Variants in LURAP1L observed in about 807,000 individuals in gnomAD.
LURAP1L encodes leucine rich adaptor protein 1 like.
In LURAP1L, 12 loss-of-function variants were observed where a neutral mutation model predicts 13.8. The observed-to-expected ratio is 0.87, with a 90% CI of 0.56 to 1.41. LURAP1L has a LOEUF of 1.41. Among genes scored for constraint, LURAP1L ranks in the 40% most tolerant of loss-of-function variants. The pLI, the probability that LURAP1L is intolerant of heterozygous loss-of-function variation, is 0.00. For missense variants in LURAP1L, 375 were observed against 292.9 expected, an observed-to-expected ratio of 1.28 and a Z score of -2.04; for synonymous variants, 139 against 119.2, an observed-to-expected ratio of 1.17 and a Z score of -1.08.
Position 12,821,688 on chromosome 9 carries a change from C to A in LURAP1L, c.615C>A (p.Ser205Arg). The change falls in exon 2 of 2, where the codon AGC (serine) becomes AGA (arginine). Residue 205 changes from serine (S) to arginine (R), a missense_variant. Transcript: ENST00000319264. The stretch of plus-strand genomic sequence containing the variant: ...CAGACTTGGACCAATTCAGTGACAG[C>A]TCCCTCATAGAGGACTCACAGGCAC... ...TPSDLDQFSD[S>R]SLIEDSQALH... is the part of the protein sequence containing the mutation. 6.2e-7 allele frequency: 1 copy of A among 1,614,164 alleles called. No homozygotes were observed. Among genetic ancestry groups the A allele is most frequent in the South Asian group, 1.1e-5 (1 of 91,086 alleles).
chr9:12,780,490 A>G (rs1819254963), intron 1 of LURAP1L, among the ~76,000 whole-genome samples: 1 of 152,228 alleles, frequency 6.6e-6, no homozygotes, highest in Non-Finnish European at 1.5e-5. Flanking sequence ...TAACTAGGAC[A>G]GTATTATTTC....
At position 12,821,902 on chromosome 9, in the gene LURAP1L, C is replaced by T. The variant is rs146642000; in HGVS notation, c.*142C>T. ...ATTTTGAAACTGCTTAATGGTATTG[C>T]TGTTGCTCCTAATACTTCTCATCTG... On this transcript the variant is annotated 3_prime_UTR_variant, in exon 2 of 2. Transcript: ENST00000319264. The T allele has an allele frequency of 1.1e-4, 101 of 915,228 alleles. 1 individual carries two copies. Among genetic ancestry groups the T allele is most frequent in the Middle Eastern group, 7.0e-4 (2 of 2,842 alleles). The allele number at this position is 915,228 out of a possible 1,614,324, so 56.7% of individuals were successfully genotyped here.
chr9:12,809,227 A>G (rs1819704527), intron 1 of LURAP1L, among the ~76,000 whole-genome samples: 1 of 152,200 alleles, frequency 6.6e-6, no homozygotes, highest in Non-Finnish European at 1.5e-5. Flanking sequence ...TCACATTTCA[A>G]CATGAAATTT....
At chr9:12,794,614 C>T (rs1819487878) in intron 1 of LURAP1L, among the ~76,000 whole-genome samples, 1 of 151,946 alleles carries the variant, frequency 6.6e-6, no homozygotes, top group African/African-American at 2.4e-5. Flanking sequence ...TTAATTTTGC[C>T]TCAGCCAAAA....
chr9:12,817,133 C>G (rs1819814512), intron 1 of LURAP1L, among the ~76,000 whole-genome samples: 1 of 152,184 alleles, frequency 6.6e-6, no homozygotes, highest in South Asian at 2.1e-4. Flanking sequence ...ACACCAGTTA[C>G]TCGGTGTTTG....
chr9:12,794,020 T>C (rs1406995960), intron 1 of LURAP1L, among the ~76,000 whole-genome samples: 2 of 152,080 alleles, frequency 1.3e-5, no homozygotes, highest in East Asian at 1.9e-4. Flanking sequence ...GAAATGATTA[T>C]TGTTAGAGTC....
chr9:12,796,414 A>G (rs1208572690), intron 1 of LURAP1L, among the ~76,000 whole-genome samples: 2 of 151,912 alleles, frequency 1.3e-5, no homozygotes, highest in African/African-American at 4.8e-5. Flanking sequence ...TCTTTTTTGT[A>G]GTGCCTCCTT....
intron 1 of LURAP1L, among the ~76,000 whole-genome samples, chr9:12,806,457 T>A (rs982928218): frequency 5.3e-5 from 8 of 152,094 alleles, no homozygotes; most frequent in Admixed American, 1.3e-4. Flanking sequence ...ATTTACAGCT[T>A]CATAATGCTG....
intron 1 of LURAP1L, among the ~76,000 whole-genome samples, chr9:12,781,805 C>G (rs942183535): frequency 1.8e-4 from 28 of 152,064 alleles, no homozygotes; most frequent in African/African-American, 6.8e-4. Context: ...TATATTAGTT[C>G]TAATTTTATT....
intron 1 of LURAP1L, 88 bp downstream of exon 1, chr9:12,776,115 G>T: frequency 7.4e-7 from 1 of 1,343,378 alleles, no homozygotes; most frequent in Non-Finnish European, 1.0e-6. Flanking sequence ...GAGAGAGGAC[G>T]GCAGGGGCTG....
At chr9:12,809,231 G>C (rs1819704571) in intron 1 of LURAP1L, among the ~76,000 whole-genome samples, 1 of 152,192 alleles carries the variant, frequency 6.6e-6, no homozygotes. Flanking sequence ...ATTTCAACAT[G>C]AAATTTGGAG....
At chr9:12,777,363 C>G in intron 1 of LURAP1L, 4 of 985,260 alleles carry the variant, frequency 4.1e-6, no homozygotes, top group Non-Finnish European at 4.8e-6. Flanking sequence ...ATCAGACATA[C>G]GTGTGGAGAC....
chr9:12,814,779 C>A (rs1284935526), intron 1 of LURAP1L, among the ~76,000 whole-genome samples: 3 of 152,124 alleles, frequency 2.0e-5, no homozygotes, highest in Non-Finnish European at 1.5e-5. Flanking sequence ...GTAATTTAGT[C>A]CTTGGGGAAA....
intron 1 of LURAP1L, among the ~76,000 whole-genome samples, chr9:12,792,490 T>G (rs897107906): frequency 6.6e-6 from 1 of 152,126 alleles, no homozygotes; most frequent in Non-Finnish European, 1.5e-5. Context: ...AATGTAACAT[T>G]TGCAGCATAC....
chr9:12,800,461 G>T (rs1418143020), intron 1 of LURAP1L, among the ~76,000 whole-genome samples: 1 of 151,766 alleles, frequency 6.6e-6, no homozygotes, highest in Non-Finnish European at 1.5e-5. Flanking sequence ...GTGTCCAACT[G>T]ACTGGGATAC....
At chr9:12,777,549 A>G in intron 1 of LURAP1L, 5 of 973,762 alleles carry the variant, frequency 5.1e-6, no homozygotes, top group Non-Finnish European at 6.1e-6. Flanking sequence ...ATATTCACTT[A>G]ATCTAATAAA....
chr9:12,790,912 A>G (rs943718348), intron 1 of LURAP1L: 1 of 152,176 alleles, frequency 6.6e-6, no homozygotes, highest in Non-Finnish European at 1.5e-5. Context: ...ATATTGACAA[A>G]TGGTAAAGTC....
chr9:12,820,348 C>G (rs1002519028), intron 1 of LURAP1L, among the ~76,000 whole-genome samples: 1 of 151,850 alleles, frequency 6.6e-6, no homozygotes, highest in African/African-American at 2.4e-5. Flanking sequence ...ACTAAAAATA[C>G]AAAAATTAGC....
At chr9:12,787,644 C>A (rs189434244) in intron 1 of LURAP1L, among the ~76,000 whole-genome samples, 78 of 152,284 alleles carry the variant, frequency 5.1e-4, no homozygotes, top group Admixed American at 1.6e-3. Context: ...GCTCTCAAAG[C>A]ACACCATTTC....
Sources: allele counts gnomAD v4.1 joint callset (sites outside exome capture counted in the v4.1 genomes callset), GRCh38; gene constraint gnomAD v4.1.1; transcripts MANE v1.5; gene names NCBI Gene and HGNC (gene_info 2026-07-23, HGNC 2026-07-21).